Variants in TRANK1 observed in about 807,000 individuals in gnomAD.
TRANK1 encodes the protein tetratricopeptide repeat and ankyrin repeat containing 1.
A neutral mutation model predicts 266.0 loss-of-function variants in TRANK1; 198 were observed. The observed-to-expected ratio is 0.74, with a 90% CI of 0.66 to 0.84. The LOEUF (loss-of-function observed/expected upper bound fraction) is 0.84, where lower values mean the gene tolerates loss of function less well. TRANK1 is among the 40% of genes least tolerant of loss of function. The probability of loss-of-function intolerance (pLI) is 0.00; values close to 1 mark genes in which losing one functional copy is unlikely to be tolerated. For synonymous variants in TRANK1, 1,396 were observed against 1,384.1 expected (o/e 1.01, Z -0.19); for missense variants, 3,326 against 3,634.6 (o/e 0.92, Z 2.18).
intron 1 of TRANK1, among the ~76,000 whole-genome samples, chr3:36,934,858 G>A (rs1178637236): frequency 6.6e-6 from 1 of 152,144 alleles, no homozygotes; most frequent in East Asian, 1.9e-4. Flanking sequence ...TAGGAGGCAT[G>A]CAGGCCCCAG....
intron 8 of TRANK1, among the ~76,000 whole-genome samples, chr3:36,882,892 A>C (rs577541548): frequency 2.0e-5 from 3 of 152,238 alleles, no homozygotes; most frequent in Non-Finnish European, 4.4e-5. Context: ...TCAACCTCAC[A>C]CATAATTAGA....
intron 21 of TRANK1, chr3:36,834,409 T>C (rs551332273): frequency 2.7e-4 from 58 of 216,592 alleles, no homozygotes; most frequent in Non-Finnish European, 4.0e-4. Flanking sequence ...TCTTCTCTTT[T>C]AGCAGGTGTG....
intron 4 of TRANK1, 103 bp downstream of exon 4, chr3:36,899,006 A>G: frequency 7.7e-7 from 1 of 1,303,218 alleles, no homozygotes; most frequent in Non-Finnish European, 1.0e-6. Flanking sequence ...AATCAGCCAC[A>G]AAGAAACACC....
At chr3:36,930,685 G>C (rs921246956) in intron 1 of TRANK1, among the ~76,000 whole-genome samples, 3 of 152,094 alleles carry the variant, frequency 2.0e-5, no homozygotes, top group Non-Finnish European at 2.9e-5. Context: ...TTGAGCAAAA[G>C]AAGCCAGACA....
At chr3:36,885,105 T>TCCC (rs1260384854) in intron 8 of TRANK1, among the ~76,000 whole-genome samples, 1 of 151,900 alleles carries the variant, frequency 6.6e-6, no homozygotes, top group African/African-American at 2.4e-5. Flanking sequence ...TTTCAAAGTA[T>TCCC]CCCCTCCAAG....
chr3:36,916,808 T>G (rs377279234), intron 1 of TRANK1, among the ~76,000 whole-genome samples: 41 of 152,032 alleles, frequency 2.7e-4, no homozygotes, highest in South Asian at 1.0e-3. Context: ...TTTTTGTTTT[T>G]TTTTTTGTTT....
rs1223101410 is a variant in TRANK1 at position 36,892,242 on chromosome 3, C to T, written c.735G>A (p.Pro245=). ...GTCGCATGAGGGCATGAAGGGGATA[C>T]GGTCCTATAGTCTCAACACTTGCAC... ...SIGASVETIG[P]YPLHALMRLC... The change falls in exon 7 of 24, where the codon CCG becomes CCA. Residue 245 remains proline (P), a synonymous_variant. Coordinates refer to ENST00000645898, the MANE Select transcript of TRANK1 (RefSeq NM_001329998.2). 8 of 1,536,946 alleles carry T rather than the reference C, an allele frequency of 5.2e-6. No homozygotes were observed. The South Asian group carries it at 6.0e-5, about 11-fold the overall frequency.
Position 36,852,910 on chromosome 3 carries a change from G to A in TRANK1, c.4550-565C>T, listed in dbSNP as rs149293569. 3.4e-3 allele frequency among the ~76,000 whole-genome samples: 521 copies of A among 151,914 alleles called. 2 individuals carry two copies. Among genetic ancestry groups the A allele is most frequent in the Middle Eastern group, 6.8e-3 (2 of 294 alleles). ...TGCTTACAGAACCAATATTACCATG[G>A]TAAAAACAGTGCTGCATGTGAGCTA... On this transcript the variant is annotated intron_variant, in intron 13 of 23. Coordinates refer to ENST00000645898, the MANE Select transcript of TRANK1 (RefSeq NM_001329998.2).
In TRANK1 at chr3:36,938,429, G is replaced by A. The variant is rs186937427; in HGVS notation, c.23+6358C>T. Among the ~76,000 whole-genome samples, 450 of 152,038 alleles carry A rather than the reference G, an allele frequency of 3.0e-3. 5 individuals carry two copies. The highest frequency in any genetic ancestry group is 0.01 in the African/African-American group (431 of 41,488). On this transcript the variant is annotated intron_variant, in intron 1 of 23. Coordinates refer to ENST00000645898, the MANE Select transcript of TRANK1 (RefSeq NM_001329998.2). ...AGACAGGGTTTCACCATGTTGGCCAGGCTGGTCTCAAACTCCTGACCTCAT... is the reference window on the plus strand; with the variant it reads ...AGACAGGGTTTCACCATGTTGGCCAAGCTGGTCTCAAACTCCTGACCTCAT...
chr3:36,866,027 AG>A, intron 9 of TRANK1, among the ~76,000 whole-genome samples: 3 of 148,792 alleles, frequency 2.0e-5, no homozygotes, highest in Admixed American at 2.0e-4. Context: ...ACAGAAAGAA[AG>A]AGAGAGAGAG....
At chr3:36,870,091 G>A (rs906480648) in intron 9 of TRANK1, among the ~76,000 whole-genome samples, 16 of 152,166 alleles carry the variant, frequency 1.1e-4, no homozygotes, top group African/African-American at 3.9e-4. Flanking sequence ...GTTCACATAG[G>A]CTTTATTTAG....
At chr3:36,865,974 C>CAGAG (rs554994287) in intron 9 of TRANK1, among the ~76,000 whole-genome samples, 2 of 140,590 alleles carry the variant, frequency 1.4e-5, no homozygotes, top group African/African-American at 2.6e-5. Context: ...GAGACAGAGA[C>CAGAG]AGAGAGAGAG....
intron 9 of TRANK1, among the ~76,000 whole-genome samples, chr3:36,870,509 C>T (rs567554657): frequency 6.6e-6 from 1 of 151,954 alleles, no homozygotes; most frequent in Non-Finnish European, 1.5e-5. Context: ...TTAACTTCTC[C>T]TCTTTACAGA....
intron 18 of TRANK1, among the ~76,000 whole-genome samples, 194 bp from the exon 19 acceptor site, chr3:36,838,910 C>T (rs555666965): frequency 1.3e-5 from 2 of 152,364 alleles, no homozygotes; most frequent in Admixed American, 6.5e-5. Context: ...ACAGTATTCA[C>T]ATTCAGTGGT....
chr3:36,914,420 C>G (rs1430517887), intron 1 of TRANK1, among the ~76,000 whole-genome samples: 2 of 149,666 alleles, frequency 1.3e-5, no homozygotes, highest in Non-Finnish European at 3.0e-5. Flanking sequence ...GGATTACAGA[C>G]ATGAGCCACT....
At chr3:36,899,852 T>G (rs1027547002) in intron 3 of TRANK1, among the ~76,000 whole-genome samples, 1 of 152,168 alleles carries the variant, frequency 6.6e-6, no homozygotes, top group African/African-American at 2.4e-5. Flanking sequence ...GGTTGGTTGG[T>G]TTGTTATTGA....
In TRANK1 at chr3:36,855,438, T is replaced by C. The variant is rs373927934; in HGVS notation, c.4284A>G (p.Pro1428=). The C allele has an allele frequency of 1.2e-5, 20 of 1,613,862 alleles. No homozygotes were observed. The African/African-American group carries it at 1.9e-4, about 15-fold the overall frequency. Residue 1428 remains proline, a synonymous_variant, in exon 13 of 24, where the codon CCA becomes CCG. Transcript: ENST00000645898. ...CACCATAGAGCTCGTGGATGGACCA[T>C]GGGAGCACCCTGAGCTTCGACAGCC... ...SRRLSKLRVL[P]WSIHELYGDE...
chr3:36,833,305 C>A lies in TRANK1; in HGVS notation c.6278G>T (p.Ser2093Ile). 6.2e-7 allele frequency: 1 copy of A among 1,614,008 alleles called. No individual in the cohort carries two copies. Among genetic ancestry groups the A allele is most frequent in the East Asian group, 2.2e-5 (1 of 44,880 alleles). The change falls in exon 22 of 24, where the codon AGT becomes ATT. Residue 2093 changes from serine (S) to isoleucine (I), a missense_variant. By Grantham distance (142) the Ser-to-Ile change is moderately radical. Coordinates refer to ENST00000645898, the MANE Select transcript of TRANK1 (RefSeq NM_001329998.2). The part of the protein sequence containing the change: ...LAPGGLEILL[S>I]LVRALKRVTN... ...CACTCTTTTGAGAGCCCTGACCAGA[C>A]TGAGGAGGATTTCCAAGCCCCCTGG...
In TRANK1 at chr3:36,855,772, G is replaced by A; in HGVS notation, c.3950C>T (p.Pro1317Leu). ...AVEMRTGDSD[P>L]RVYVTFEVFK... ...CACCTCAAACGTCACGTACACCCGGGGGTCACTGTCACCCGTACGCATTTC... is the reference window on the plus strand; with the variant it reads ...CACCTCAAACGTCACGTACACCCGGAGGTCACTGTCACCCGTACGCATTTC... Residue 1317 changes from proline (P) to leucine (L), a missense_variant, in exon 13 of 24, where the codon CCC (proline) becomes CTC (leucine). Coordinates refer to ENST00000645898, the MANE Select transcript of TRANK1 (RefSeq NM_001329998.2). 1 of 1,613,410 alleles carries A rather than the reference G, an allele frequency of 6.2e-7. No homozygotes were observed. Among genetic ancestry groups the A allele is most frequent in the South Asian group, 1.1e-5 (1 of 91,052 alleles).
Sources: allele counts gnomAD v4.1 joint callset (sites outside exome capture counted in the v4.1 genomes callset), GRCh38; gene constraint gnomAD v4.1.1; transcripts MANE v1.5; gene names NCBI Gene and HGNC (gene_info 2026-07-23, HGNC 2026-07-21).